CCNH: variants seen among roughly 807,000 people sequenced by gnomAD.
CCNH encodes cyclin H, also known as cyclin-H.
Under a neutral mutation model 41.9 loss-of-function variants are expected in CCNH, and 31 were observed. The ratio of observed to expected loss-of-function variants is 0.74; its 90% CI spans 0.56 to 1.00. The LOEUF is 1.00. Ranked by LOEUF, CCNH falls within the 50% of genes least tolerant of loss-of-function variation. The probability of loss-of-function intolerance (pLI) is 0.00; values close to 1 mark genes in which losing one functional copy is unlikely to be tolerated. For missense variants in CCNH, 362 were observed against 388.4 expected (o/e 0.93, Z 0.57); for synonymous variants, 138 against 136.1 (o/e 1.01, Z -0.10).
chr5:87,315,890 A>T (rs1021172016), downstream of CCNH, among the ~76,000 whole-genome samples: 5 of 152,172 alleles, frequency 3.3e-5, no homozygotes, highest in Non-Finnish European at 5.9e-5. Context: ...ATGGATATAT[A>T]GGCTGATTCT....
rs2234942 is a variant in CCNH, at chr5:87,412,712, C to A, written c.83G>T (p.Arg28Leu). ...QLARLRADAN[R>L]KFRCKAVANG... ...GGCCACGGCTTTGCATCTGAATTTG[C>A]GGTTGGCGTCAGCCCGCAGTCTTGC... Residue 28 changes from arginine (R) to leucine (L), a missense_variant, in exon 1 of 9, where the codon CGC becomes CTC. Physicochemically the swap from Arg to Leu is moderately radical, Grantham distance 102. Transcript: ENST00000256897. 8.1e-4 allele frequency: 1,303 copies of A among 1,614,064 alleles called. 18 individuals carry two copies. The East Asian group carries it at 0.026, about 32-fold the overall frequency.
chr5:87,343,462 A>C (rs867596777), intron 9 of CCNH, among the ~76,000 whole-genome samples: 1 of 152,168 alleles, frequency 6.6e-6, no homozygotes, highest in Non-Finnish European at 1.5e-5. Context: ...GTATATGAAA[A>C]AATGCTCACC....
intron 9 of CCNH, chr5:87,332,586 C>T (rs1265049054): frequency 1.2e-6 from 2 of 1,609,998 alleles, no homozygotes; most frequent in South Asian, 1.1e-5. Flanking sequence ...TTATTACAGT[C>T]ATGTTTCTTG....
At chr5:87,406,418 CTCT>C (rs1358906518) in intron 4 of CCNH, among the ~76,000 whole-genome samples, 1 of 152,150 alleles carries the variant, frequency 6.6e-6, no homozygotes, top group East Asian at 1.9e-4. Context: ...GGGGTTCTTC[CTCT>C]GTCTTCATCT....
intron 9 of CCNH, chr5:87,363,563 ACAAAG>A: frequency 6.5e-7 from 1 of 1,549,462 alleles, no homozygotes. Context: ...AATAGTACAA[ACAAAG>A]CAAACCAATT....
rs745938631 is a variant in CCNH at position 87,407,952 on chromosome 5, T to C, written c.525+24A>G. 1.1e-5 allele frequency: 16 copies of C among 1,481,014 alleles called. 1 individual carries two copies. In the South Asian group the frequency reaches 1.5e-4, roughly 14 times the overall value. 91.7% of individuals were successfully genotyped at this position (1,481,014 alleles called of 1,614,324 possible). ...AGAATAGGAAAGGAGAATGTAGTAT[T>C]AGTTTATTTTACATCAAGTTTACCT... is the stretch of plus-strand genomic sequence containing the variant. On this transcript the variant is annotated intron_variant, in intron 4 of 8. Transcript: ENST00000256897.
chr5:87,372,357 A>G (rs1474553868), downstream of CCNH, among the ~76,000 whole-genome samples: 1 of 152,172 alleles, frequency 6.6e-6, no homozygotes, highest in Non-Finnish European at 1.5e-5. Context: ...ATGAAAGAGA[A>G]TGTTCTTTCT....
At chr5:87,370,347 G>A (rs1760835605) in intron 9 of CCNH, among the ~76,000 whole-genome samples, 1 of 152,194 alleles carries the variant, frequency 6.6e-6, no homozygotes, top group African/African-American at 2.4e-5. Flanking sequence ...TCTAAGCCAA[G>A]TCGAGATATA....
At chr5:87,312,289 G>T in the CCNH span, among the ~76,000 whole-genome samples, 1 of 152,164 alleles carries the variant, frequency 6.6e-6, no homozygotes, top group Non-Finnish European at 1.5e-5. Flanking sequence ...TGCAGAAACA[G>T]ATAAGGAAAT....
chr5:87,379,121 T>A (rs558015268), upstream of CCNH, among the ~76,000 whole-genome samples: 15 of 152,318 alleles, frequency 9.8e-5, no homozygotes, highest in African/African-American at 3.6e-4. Flanking sequence ...AAGGAATTGT[T>A]TTTGACAATG....
downstream of CCNH, chr5:87,393,532 T>C (rs1246645760): frequency 6.6e-6 from 1 of 152,214 alleles, no homozygotes; most frequent in Non-Finnish European, 1.5e-5. Flanking sequence ...TGTAAGTAAT[T>C]TGCTGTAATA....
chr5:87,364,742 A>G (rs1410125615), intron 9 of CCNH, among the ~76,000 whole-genome samples: 5 of 152,152 alleles, frequency 3.3e-5, no homozygotes, highest in African/African-American at 1.2e-4. Flanking sequence ...GTAGCAAGGT[A>G]GCAAACAGCA....
At chr5:87,392,380 C>CTGA (rs1762589576), downstream of CCNH, 2 of 455,208 alleles carry the variant, frequency 4.4e-6, no homozygotes, top group South Asian at 3.1e-5. Context: ...CCGTTTAACA[C>CTGA]TGATACCAAA....
chr5:87,333,272 A>T, intron 9 of CCNH: 8 of 1,612,888 alleles, frequency 5.0e-6, no homozygotes, highest in Non-Finnish European at 6.8e-6. Context: ...TCTAGCCAGT[A>T]GAAGATAGAA....
intron 9 of CCNH, among the ~76,000 whole-genome samples, chr5:87,354,776 A>C (rs951756822): frequency 6.6e-6 from 1 of 152,216 alleles, no homozygotes; most frequent in Non-Finnish European, 1.5e-5. Context: ...TGTGAATGCA[A>C]AGGAAGAGTT....
rs536985744 is a variant in CCNH at position 87,368,063 on chromosome 5, C to A, written c.*90+24707G>T. 4.6e-5 allele frequency among the ~76,000 whole-genome samples: 7 copies of A among 152,210 alleles called. No homozygotes were observed. The South Asian group carries it at 1.5e-3, about 32-fold the overall frequency. On this transcript the variant is annotated intron_variant and NMD_transcript_variant, in intron 9 of 9. Transcript: ENST00000645953. The stretch of plus-strand genomic sequence containing the variant: ...GTTTTAGAAAACTCTTGGTTAGTAT[C>A]TGTTTAAATGTTTAGTATCTAATTT...
chr5:87,377,845 C>T (rs1761431188), upstream of CCNH, among the ~76,000 whole-genome samples: 1 of 152,096 alleles, frequency 6.6e-6, no homozygotes, highest in South Asian at 2.1e-4. Flanking sequence ...AACTATTTTC[C>T]TCCTCATCAC....
chr5:87,391,723 A>T, downstream of CCNH: 1 of 231,438 alleles, frequency 4.3e-6, no homozygotes, highest in South Asian at 1.8e-4. Context: ...TTATTTGTTC[A>T]TTATTTGTGC....
chr5:87,406,744 A>G (rs960502740), intron 4 of CCNH, among the ~76,000 whole-genome samples: 1 of 152,138 alleles, frequency 6.6e-6, no homozygotes, highest in Non-Finnish European at 1.5e-5. Context: ...TGTATCCACA[A>G]CCTTCATACG....
Sources: allele counts gnomAD v4.1 joint callset (sites outside exome capture counted in the v4.1 genomes callset), GRCh38; gene constraint gnomAD v4.1.1; transcripts MANE v1.5; gene names NCBI Gene and HGNC (gene_info 2026-07-23, HGNC 2026-07-21).